Variants in CCSAP observed in about 807,000 individuals in gnomAD.
CCSAP encodes centriole, cilia and spindle associated protein, also known as centriole, cilia and spindle-associated protein.
A neutral mutation model predicts 25.9 loss-of-function variants in CCSAP; 17 were observed. The observed-to-expected ratio is 0.66, with a 90% confidence interval of 0.45 to 0.99. The LOEUF (loss-of-function observed/expected upper bound fraction) is 0.99. CCSAP is among the 50% of genes least tolerant of loss of function. The pLI is 0.00. For synonymous variants in CCSAP, 169 were observed against 157.1 expected, an observed-to-expected ratio of 1.08 and a Z score of -0.57; for missense variants, 339 against 367.8, an observed-to-expected ratio of 0.92 and a Z score of 0.64.
chr1:229,342,167 GC>G lies in CCSAP; in HGVS notation c.298del (p.Ala100ProfsTer27). ...QEEAERRARG[A>X]PEEQDAEAGD... ...GGCCTCCGCGTCCTGCTCCTCCGGG[GC>G]CCCGCGCGCCCGCCGTTCCGCCTCC... On this transcript the variant is annotated frameshift_variant, in exon 2 of 4. Coordinates refer to ENST00000284617, the MANE Select transcript of CCSAP (RefSeq NM_145257.5). LOFTEE classifies it high-confidence loss of function. This position sits in a 1 kb window ranked among gnomAD's most constrained non-coding sequence, Gnocchi z 7.5. 3 of 1,292,514 alleles carry G rather than the reference GC, an allele frequency of 2.3e-6. No individual in the cohort carries two copies. Among genetic ancestry groups the G allele is most frequent in the South Asian group, 5.1e-5 (2 of 39,190 alleles). The allele number at this position is 1,292,514 out of a possible 1,614,324, so 80.1% of individuals were successfully genotyped here. A position where few individuals can be genotyped will look rare whatever the true frequency, so the allele number is the denominator to read the frequency against.
rs2102690477 is a variant in CCSAP at position 229,324,920 on chromosome 1, A to AT, written c.*314dup. 1 of 220,028 alleles carries AT rather than the reference A, an allele frequency of 4.5e-6. No individual in the cohort carries two copies. The highest frequency in any genetic ancestry group is 1.2e-4 in the East Asian group (1 of 8,544). 13.6% of individuals were successfully genotyped at this position (220,028 alleles called of 1,614,324 possible). A position where few individuals can be genotyped will look rare whatever the true frequency, so the allele number is the denominator to read the frequency against. On this transcript the variant is annotated 3_prime_UTR_variant, in exon 4 of 4. Coordinates refer to ENST00000284617, the MANE Select transcript of CCSAP (RefSeq NM_145257.5). ...TACTGAACTGTAAGCATCTGTTGCC[A>AT]TTTAAAGGCATTTGGTGTCAGTATC...
chr1:229,338,243 C>T (rs531969192), intron 2 of CCSAP, among the ~76,000 whole-genome samples: 4 of 152,030 alleles, frequency 2.6e-5, no homozygotes, highest in East Asian at 1.9e-4. Flanking sequence ...AATCAAAAAG[C>T]CAACAGATAA....
At chr1:229,338,590 C>G (rs1029943021) in intron 2 of CCSAP, among the ~76,000 whole-genome samples, 1 of 150,352 alleles carries the variant, frequency 6.7e-6, no homozygotes, top group Admixed American at 6.6e-5. Flanking sequence ...TTCCTAACAG[C>G]TTTTTAGTAT....
intron 2 of CCSAP, chr1:229,327,635 C>T (rs1056656180): frequency 7.9e-5 from 36 of 453,840 alleles, no homozygotes; most frequent in East Asian, 3.5e-4. Context: ...TTTGGGAGGC[C>T]GAGGCGAGCG....
intron 2 of CCSAP, among the ~76,000 whole-genome samples, chr1:229,338,730 CAGAA>C (rs1428822960): frequency 2.6e-5 from 4 of 152,012 alleles, no homozygotes; most frequent in African/African-American, 9.7e-5. Flanking sequence ...TGAAGAAACA[CAGAA>C]AGAGAAGAAA....
At chr1:229,332,615 T>C (rs1269825143) in intron 2 of CCSAP, among the ~76,000 whole-genome samples, 3 of 152,190 alleles carry the variant, frequency 2.0e-5, no homozygotes, top group African/African-American at 7.2e-5. Flanking sequence ...TTCTTAGTAA[T>C]TGGCAGAACA....
At chr1:229,330,833 TAAAAA>T (rs1553304645) in intron 2 of CCSAP, among the ~76,000 whole-genome samples, 1 of 118,216 alleles carries the variant, frequency 8.5e-6, no homozygotes, top group African/African-American at 3.0e-5. Context: ...CAACTCCATC[TAAAAA>T]AAAAAAAAAA....
chr1:229,326,707 G>A (rs980329571), intron 3 of CCSAP, 31 bp downstream of exon 3: 1 of 1,610,636 alleles, frequency 6.2e-7, no homozygotes, highest in African/African-American at 1.3e-5. Context: ...CTCTCAAAGG[G>A]AACACAGAAC....
At position 229,339,892 on chromosome 1, in the gene CCSAP, T is replaced by C. The variant is rs555292921; in HGVS notation, c.367+2207A>G. Among the ~76,000 whole-genome samples the C allele has an allele frequency of 5.3e-4, 81 of 151,990 alleles. No individual in the cohort carries two copies. The South Asian group carries it at 6.5e-3, about 12-fold the overall frequency. On this transcript the variant is annotated intron_variant, in intron 2 of 3. Transcript: ENST00000284617. ...ATTGTGCAGGTGTGGAGATGGGCCG[T>C]GTGTGTGTGGGTGAGGAGAGCAGTA...
chr1:229,328,966 C>T (rs531802954), intron 2 of CCSAP, among the ~76,000 whole-genome samples: 12 of 152,342 alleles, frequency 7.9e-5, no homozygotes, highest in Middle Eastern at 3.4e-3. Context: ...AGGCAGGACA[C>T]CAGCCTTCCA....
chr1:229,325,247 C>T lies in CCSAP; in HGVS notation c.801G>A (p.Ser267=), dbSNP rs1395421637. 11 of 1,601,142 alleles carry T rather than the reference C, an allele frequency of 6.9e-6. No homozygotes were observed. In the South Asian group the frequency reaches 1.0e-4, roughly 15 times the overall value. Residue 267 remains serine (S), a synonymous_variant, in exon 4 of 4, where the codon TCG becomes TCA. Coordinates refer to ENST00000284617, the MANE Select transcript of CCSAP (RefSeq NM_145257.5). ...CGCAAGTGTTTCTTTAAGCTCTTGC[C>T]GAATAGCACCTCATGTATTCTGTCA... ...PWMTEYMRCY[S]ARA is the part of the protein sequence containing the mutation.
At chr1:229,325,523 C>G in intron 3 of CCSAP, 112 bp from the exon 4 acceptor site, 1 of 866,394 alleles carries the variant, frequency 1.2e-6, no homozygotes, top group Non-Finnish European at 1.8e-6. Context: ...AGGGCAGAGT[C>G]AAGCCCTGCC....
intron 2 of CCSAP, chr1:229,327,696 C>G: frequency 2.5e-6 from 1 of 403,034 alleles, no homozygotes; most frequent in Non-Finnish European, 4.9e-6. Flanking sequence ...GGTGAAACCC[C>G]GTCTCTACTA....
chr1:229,336,031 G>C (rs1345753696), intron 2 of CCSAP, among the ~76,000 whole-genome samples: 2 of 151,614 alleles, frequency 1.3e-5, no homozygotes, highest in East Asian at 3.9e-4. Flanking sequence ...AAGTAATCTA[G>C]AGATGATTTA....
rs71561730 is a variant in CCSAP at position 229,341,193 on chromosome 1, C to CAAAA, written c.367+902_367+905dup. Among the ~76,000 whole-genome samples the CAAAA allele has an allele frequency of 4.4e-3, 402 of 91,090 alleles. 11 individuals are homozygous for CAAAA. Among genetic ancestry groups the CAAAA allele is most frequent in the African/African-American group, 0.018 (365 of 20,776 alleles). The allele number at this position is 91,090 out of a possible 152,430, so 59.8% of individuals were successfully genotyped here. A position where few individuals can be genotyped will look rare whatever the true frequency, so the allele number is the denominator to read the frequency against. ...TGGGCCACAGAGCGAGACTCCGTCT[C>CAAAA]AAAAAAAAAAAAAAAAAAAGATTAC... is the stretch of plus-strand genomic sequence containing the variant. On this transcript the variant is annotated intron_variant, in intron 2 of 3. Coordinates refer to ENST00000284617, the MANE Select transcript of CCSAP (RefSeq NM_145257.5).
At chr1:229,337,670 C>CAAAAAAAAAAAAAAAAAAAAAAAAA (rs539736168) in intron 2 of CCSAP, among the ~76,000 whole-genome samples, 3 of 56,024 alleles carry the variant, frequency 5.4e-5, no homozygotes, top group Admixed American at 2.1e-4. Flanking sequence ...ATCAAAGGCT[C>CAAAAAAAAAAAAAAAAAAAAAAAAA]AAAAAAAAAT....
intron 2 of CCSAP, chr1:229,327,540 G>C (rs1223951600): frequency 2.2e-6 from 1 of 456,080 alleles, no homozygotes; most frequent in Non-Finnish European, 4.4e-6. Flanking sequence ...TACCGCCTAG[G>C]TGCGCAGCCA....
chr1:229,341,979 A>G, intron 2 of CCSAP, 120 bp downstream of exon 2: 1 of 375,618 alleles, frequency 2.7e-6, no homozygotes. Flanking sequence ...CTGTCAACCG[A>G]AAAAAAAAAA....
At position 229,342,549 on chromosome 1, in the gene CCSAP, GC is replaced by G; in HGVS notation, c.-48-37del. ...CGGTACACGACACAGAGGCCGCCCCGCCCCTCCGCCGGCCCTGCCCGCCGCG... is the reference window on the plus strand; with the variant it reads ...CGGTACACGACACAGAGGCCGCCCCGCCCTCCGCCGGCCCTGCCCGCCGCG... On this transcript the variant is annotated intron_variant, in intron 1 of 3. Coordinates refer to ENST00000284617, the MANE Select transcript of CCSAP (RefSeq NM_145257.5). This position sits in a 1 kb window ranked among gnomAD's most constrained non-coding sequence, Gnocchi z 7.5. 4.3e-6 allele frequency: 4 copies of G among 930,310 alleles called. No homozygotes were observed. The highest frequency in any genetic ancestry group is 5.6e-6 in the Non-Finnish European group (4 of 710,700). The allele number at this position is 930,310 out of a possible 1,614,324, so 57.6% of individuals were successfully genotyped here. A position where few individuals can be genotyped will look rare whatever the true frequency, so the allele number is the denominator to read the frequency against.
Sources: gnomAD v4.1 joint callset for allele counts (sites outside exome capture counted in the v4.1 genomes callset) on GRCh38, gnomAD v4.1.1 for gene constraint, Gnocchi (gnomAD v3.1) non-coding constraint, MANE v1.5 for transcripts, NCBI Gene and HGNC (gene_info 2026-07-23, HGNC 2026-07-21) for gene names.